TRIQK: variants seen among roughly 807,000 people sequenced by gnomAD.
TRIQK encodes triple QxxK/R motif-containing protein.
A neutral mutation model predicts 10.8 loss-of-function variants in TRIQK; 10 were observed. That is an observed-to-expected ratio of 0.92 (90% CI 0.57 to 1.57). The LOEUF is 1.57. Ranked by LOEUF, TRIQK falls within the 40% of genes most tolerant of loss-of-function variation. The pLI is 0.00. For missense variants in TRIQK, 107 were observed against 97.7 expected, an observed-to-expected ratio of 1.09 and a Z score of -0.40; for synonymous variants, 33 against 33.7, an observed-to-expected ratio of 0.98 and a Z score of 0.07.
chr8:92,886,505 A>G lies in TRIQK; in HGVS notation c.*117T>C, dbSNP rs915550235. 3.1e-6 allele frequency: 2 copies of G among 641,950 alleles called. No homozygotes were observed. The highest frequency in any genetic ancestry group is 6.3e-5 in the Admixed American group (2 of 31,860). 39.8% of individuals were successfully genotyped at this position (641,950 alleles called of 1,614,324 possible). On this transcript the variant is annotated 3_prime_UTR_variant, in exon 5 of 5. Transcript: ENST00000521988. ...CAACTATCAAAAATCATATGTCTGCAAACTGAAAATATTAGCAGAAAGAAT... is the reference window on the plus strand; with the variant it reads ...CAACTATCAAAAATCATATGTCTGCGAACTGAAAATATTAGCAGAAAGAAT...
intron 1 of TRIQK, among the ~76,000 whole-genome samples, chr8:93,011,251 T>C (rs955533689): frequency 2.4e-4 from 36 of 151,470 alleles, no homozygotes; most frequent in African/African-American, 8.7e-4. Context: ...ACCCATTTAA[T>C]TACAGTACTG....
intron 1 of TRIQK, among the ~76,000 whole-genome samples, chr8:92,992,366 A>G (rs1359022711): frequency 6.6e-6 from 1 of 152,200 alleles, no homozygotes; most frequent in Non-Finnish European, 1.5e-5. Flanking sequence ...TCCTGCCTCT[A>G]CCGGGAGCCT....
intron 1 of TRIQK, among the ~76,000 whole-genome samples, chr8:92,988,840 A>G (rs1279418191): frequency 6.6e-6 from 1 of 152,148 alleles, no homozygotes; most frequent in Non-Finnish European, 1.5e-5. Context: ...AATATTATAT[A>G]ATAAATATAT....
At chr8:92,948,056 C>T (rs909007534) in intron 2 of TRIQK, among the ~76,000 whole-genome samples, 1 of 152,092 alleles carries the variant, frequency 6.6e-6, no homozygotes, top group Non-Finnish European at 1.5e-5. Flanking sequence ...CTTTTTCTCA[C>T]ACACATAAAA....
chr8:93,011,205 CATAT>C (rs373752738), intron 1 of TRIQK, among the ~76,000 whole-genome samples: 2 of 121,516 alleles, frequency 1.6e-5, no homozygotes, highest in Non-Finnish European at 1.8e-5. Context: ...CACACACACA[CATAT>C]ATATATATAT....
At chr8:92,996,481 T>A (rs1334068899) in intron 1 of TRIQK, among the ~76,000 whole-genome samples, 2 of 152,030 alleles carry the variant, frequency 1.3e-5, no homozygotes, top group African/African-American at 4.8e-5. Context: ...TGAGGAATAG[T>A]GTTGAGCATT....
At chr8:93,000,198 G>A (rs55713535) in intron 1 of TRIQK, among the ~76,000 whole-genome samples, 37,247 of 152,066 alleles carry the variant, frequency 0.24, 4,756 homozygotes, top group South Asian at 0.3. Context: ...CAACTTTCTA[G>A]TATGAAAGTT....
At chr8:92,972,081 A>C (rs1812882423) in intron 1 of TRIQK, among the ~76,000 whole-genome samples, 1 of 152,144 alleles carries the variant, frequency 6.6e-6, no homozygotes, top group Non-Finnish European at 1.5e-5. Flanking sequence ...TAATAATCTT[A>C]GATTAGATGT....
At chr8:93,015,761 C>CT (rs944317527) in intron 1 of TRIQK, among the ~76,000 whole-genome samples, 3 of 151,612 alleles carry the variant, frequency 2.0e-5, no homozygotes, top group Admixed American at 1.3e-4. Context: ...TTTTCTTTTT[C>CT]TTTTTTTTCT....
At chr8:92,951,099 TA>T (rs1275342473) in intron 2 of TRIQK, among the ~76,000 whole-genome samples, 25 of 152,262 alleles carry the variant, frequency 1.6e-4, no homozygotes, top group East Asian at 1.2e-3. Flanking sequence ...ATTTTTCTGT[TA>T]TTTTTTTATT....
intron 2 of TRIQK, among the ~76,000 whole-genome samples, chr8:92,946,088 T>C (rs1811517118): frequency 6.6e-6 from 1 of 152,114 alleles, no homozygotes; most frequent in Admixed American, 6.5e-5. Flanking sequence ...TTTGATGATA[T>C]ACAGAAAATA....
At chr8:92,960,347 A>G (rs1397615458) in intron 1 of TRIQK, among the ~76,000 whole-genome samples, 1 of 152,118 alleles carries the variant, frequency 6.6e-6, no homozygotes, top group African/African-American at 2.4e-5. Context: ...TCTCAAATCT[A>G]TTCTCTACAC....
At chr8:93,003,018 A>G (rs1400076229) in intron 1 of TRIQK, among the ~76,000 whole-genome samples, 1 of 152,136 alleles carries the variant, frequency 6.6e-6, no homozygotes, top group Admixed American at 6.6e-5. Context: ...AGACAAGGAC[A>G]CACAAAAAGG....
At chr8:92,936,805 G>T (rs1811010192) in intron 2 of TRIQK, among the ~76,000 whole-genome samples, 1 of 151,604 alleles carries the variant, frequency 6.6e-6, no homozygotes, top group Non-Finnish European at 1.5e-5. Context: ...GCTCAGCCAG[G>T]TTATGATATA....
chr8:92,994,141 T>G (rs1403890750), intron 1 of TRIQK, among the ~76,000 whole-genome samples: 1 of 152,192 alleles, frequency 6.6e-6, no homozygotes, highest in Non-Finnish European at 1.5e-5. Context: ...CCATGAAAAT[T>G]TAGTGCACTA....
intron 3 of TRIQK, among the ~76,000 whole-genome samples, chr8:92,914,980 C>T (rs893867994): frequency 9.9e-5 from 15 of 151,962 alleles, no homozygotes; most frequent in African/African-American, 1.9e-4. Flanking sequence ...AGACAGATGA[C>T]GGAATCAAGA....
At chr8:92,909,825 A>C in intron 3 of TRIQK, among the ~76,000 whole-genome samples, 1 of 151,716 alleles carries the variant, frequency 6.6e-6, no homozygotes, top group Non-Finnish European at 1.5e-5. Context: ...AAAGTCCACA[A>C]ACATTTAAGA....
At chr8:92,931,012 T>C (rs1183045418) in intron 2 of TRIQK, among the ~76,000 whole-genome samples, 5 of 152,156 alleles carry the variant, frequency 3.3e-5, no homozygotes, top group African/African-American at 1.2e-4. Flanking sequence ...TCTATATGAA[T>C]GGCCTTTTCT....
rs150803584 is a variant in TRIQK, at chr8:93,006,752, C to T, written c.-181+10857G>A. Among the ~76,000 whole-genome samples, 270 of 152,292 alleles carry T rather than the reference C, an allele frequency of 1.8e-3. 1 individual carries two copies. Among genetic ancestry groups the T allele is most frequent in the Middle Eastern group, 3.4e-3 (1 of 294 alleles). ...GCTGTGGCCCATCTTGGCCAGACTG[C>T]CTCTTTAGGCAGGACTTAGACTCCT... On this transcript the variant is annotated intron_variant, in intron 1 of 4. Coordinates refer to the TRIQK transcript ENST00000520686.
Sources: allele counts gnomAD v4.1 joint callset (sites outside exome capture counted in the v4.1 genomes callset), GRCh38; gene constraint gnomAD v4.1.1; transcripts MANE v1.5; gene names NCBI Gene and HGNC (gene_info 2026-07-23, HGNC 2026-07-21).